APPL2: variants seen among roughly 807,000 people sequenced by gnomAD.
APPL2 encodes the protein DCC-interacting protein 13-beta.
Under a neutral mutation model 92.7 loss-of-function variants are expected in APPL2, and 84 were observed. That is an observed-to-expected ratio of 0.91 (90% CI 0.76 to 1.09). APPL2 has a LOEUF of 1.09. Among genes scored for constraint, APPL2 ranks in the 50% least tolerant of loss-of-function variants. APPL2 has a pLI of 0.00. For synonymous variants in APPL2, 291 were observed against 291.0 expected, an observed-to-expected ratio of 1.00 and a Z score of 0.00; for missense variants, 736 against 824.5, an observed-to-expected ratio of 0.89 and a Z score of 1.31.
chr12:105,233,890 A>G (rs1891082457), intron 1 of APPL2, among the ~76,000 whole-genome samples: 2 of 152,266 alleles, frequency 1.3e-5, no homozygotes, highest in Admixed American at 1.3e-4. Flanking sequence ...AAAATCCATG[A>G]AACAGGCATT....
rs1889188148 is a variant in APPL2, at chr12:105,211,236, G to C, written c.367C>G (p.Leu123Val). ...LPIIQFREKDLTEVSTLKDLF... is the reference protein window; with the variant it reads ...LPIIQFREKDVTEVSTLKDLF... ...TTGAACTCAGTTACTTTACCTGTGA[G>C]ATCCTTTTCTCGGAATTGTATGATA... Residue 123 changes from leucine to valine, a missense_variant, in exon 5 of 21, where the codon CTC (leucine) becomes GTC (valine). Physicochemically the swap from Leu to Val is conservative, Grantham distance 32. Transcript: ENST00000258530. The C allele has an allele frequency of 6.2e-7, 1 of 1,611,326 alleles. No homozygotes were observed. The highest frequency in any genetic ancestry group is 8.5e-7 in the Non-Finnish European group (1 of 1,177,580).
At chr12:105,180,766 G>GT (rs1886037425) in intron 17 of APPL2, among the ~76,000 whole-genome samples, 1 of 151,746 alleles carries the variant, frequency 6.6e-6, no homozygotes, top group Non-Finnish European at 1.5e-5. Context: ...GGCTGTTTGT[G>GT]TATTATTGGT....
At chr12:105,198,453 A>G (rs1261021461) in intron 10 of APPL2, among the ~76,000 whole-genome samples, 1 of 152,192 alleles carries the variant, frequency 6.6e-6, no homozygotes, top group Non-Finnish European at 1.5e-5. Flanking sequence ...CCTGGCAAAT[A>G]ACGACAGAAC....
At chr12:105,227,114 C>T (rs1483748558) in intron 2 of APPL2, among the ~76,000 whole-genome samples, 6 of 142,018 alleles carry the variant, frequency 4.2e-5, no homozygotes, top group East Asian at 2.1e-4. Context: ...GAGTAAGACC[C>T]TGTCTCTGAA....
chr12:105,230,339 T>C (rs1253821978), intron 1 of APPL2, among the ~76,000 whole-genome samples: 1 of 152,182 alleles, frequency 6.6e-6, no homozygotes, highest in African/African-American at 2.4e-5. Flanking sequence ...AATATTTACA[T>C]ACTGGATGGT....
chr12:105,182,308 C>T (rs987280407), intron 17 of APPL2, among the ~76,000 whole-genome samples: 5 of 152,220 alleles, frequency 3.3e-5, no homozygotes, highest in Admixed American at 2.0e-4. Flanking sequence ...GGATTACAGG[C>T]ATGAGCCATG....
At chr12:105,203,402 C>A in intron 9 of APPL2, 1 of 347,294 alleles carries the variant, frequency 2.9e-6, no homozygotes. Context: ...CTGCCACGTA[C>A]TCTCAAAGAA....
intron 17 of APPL2, among the ~76,000 whole-genome samples, chr12:105,184,805 CTT>C (rs761994970): frequency 2.0e-5 from 3 of 152,356 alleles, no homozygotes; most frequent in Non-Finnish European, 4.4e-5. Flanking sequence ...CTGCTGCTCT[CTT>C]GAGAGCTGGC....
At chr12:105,205,095 A>C (rs1447609956) in intron 8 of APPL2, among the ~76,000 whole-genome samples, 1 of 152,196 alleles carries the variant, frequency 6.6e-6, no homozygotes, top group Non-Finnish European at 1.5e-5. Flanking sequence ...AGGAAGTGCT[A>C]TGTTCATGGA....
chr12:105,196,563 G>A (rs1887671556), intron 11 of APPL2, among the ~76,000 whole-genome samples: 1 of 150,662 alleles, frequency 6.6e-6, no homozygotes, highest in Non-Finnish European at 1.5e-5. Context: ...AGCCTCCTGA[G>A]TAGCTGGGAT....
chr12:105,175,989 G>A (rs78535982), intron 20 of APPL2, 46 bp downstream of exon 20: 30,773 of 1,493,586 alleles, frequency 0.021, 409 homozygotes, highest in Non-Finnish European at 0.025. Flanking sequence ...TGTGTACACA[G>A]ATGTGTTTTG....
chr12:105,218,503 T>C (rs986686393), intron 2 of APPL2, among the ~76,000 whole-genome samples: 3 of 152,222 alleles, frequency 2.0e-5, no homozygotes, highest in African/African-American at 4.8e-5. Context: ...GGAACAGATG[T>C]TCTGAAGACA....
At position 105,208,653 on chromosome 12, in the gene APPL2, A is replaced by G. The variant is rs188970334; in HGVS notation, c.374-454T>C. Among the ~76,000 whole-genome samples, 273 of 152,300 alleles carry G rather than the reference A, an allele frequency of 1.8e-3. 2 individuals are homozygous for G. The highest frequency in any genetic ancestry group is 2.9e-3 in the Non-Finnish European group (199 of 68,024). On this transcript the variant is annotated intron_variant, in intron 5 of 20. Coordinates refer to ENST00000258530, the MANE Select transcript of APPL2 (RefSeq NM_018171.5). ...GACTTACTGGAGTCATCCCTGGACA[A>G]AGGAATACGCGGTGCTTGTACTAAT...
Position 105,174,117 on chromosome 12 carries a change from T to A in APPL2, c.*197A>T. 1 of 570,022 alleles carries A rather than the reference T, an allele frequency of 1.8e-6. No homozygotes were observed. The highest frequency in any genetic ancestry group is 3.0e-5 in the South Asian group (1 of 33,282). The allele number at this position is 570,022 out of a possible 1,614,324, so 35.3% of individuals were successfully genotyped here. ...TTACCACAAAGCACCTAAAATAACA[T>A]TGTAGATGGGTGGGAACGCTGTCAA... On this transcript the variant is annotated 3_prime_UTR_variant, in exon 21 of 21. Coordinates refer to ENST00000258530, the MANE Select transcript of APPL2 (RefSeq NM_018171.5).
intron 1 of APPL2, among the ~76,000 whole-genome samples, chr12:105,235,691 C>G (rs939045881): frequency 2.0e-5 from 3 of 151,614 alleles, no homozygotes; most frequent in African/African-American, 7.3e-5. Flanking sequence ...CTCGCAGACT[C>G]AGTTGCAGCT....
chr12:105,229,238 G>T lies in APPL2; in HGVS notation c.55-15C>A, dbSNP rs901017464. 1.2e-6 allele frequency: 2 copies of T among 1,605,028 alleles called. No individual in the cohort carries two copies. ...AAAGAGCGAGTCTGGAAGAAAAGAA[G>T]AAAAAAGGTCAATTTCATTTCTAAG... On this transcript the variant is annotated splice_polypyrimidine_tract_variant and intron_variant, in intron 1 of 20. Transcript: ENST00000258530.
At chr12:105,182,168 T>C (rs896107031) in intron 17 of APPL2, among the ~76,000 whole-genome samples, 1 of 152,108 alleles carries the variant, frequency 6.6e-6, no homozygotes, top group Non-Finnish European at 1.5e-5. Flanking sequence ...TGGGATTACA[T>C]AGGTGCCTGC....
intron 17 of APPL2, among the ~76,000 whole-genome samples, chr12:105,187,433 C>T (rs1224966620): frequency 6.6e-6 from 1 of 152,128 alleles, no homozygotes; most frequent in Non-Finnish European, 1.5e-5. Context: ...TTTCATTTTA[C>T]AGCTGAAAAA....
intron 11 of APPL2, among the ~76,000 whole-genome samples, chr12:105,195,907 T>C (rs567648827): frequency 1.8e-4 from 27 of 151,844 alleles, no homozygotes; most frequent in Non-Finnish European, 3.7e-4. Context: ...ATACAAAAAT[T>C]AGCTGGGCGT....
Sources: gnomAD v4.1 joint callset for allele counts (sites outside exome capture counted in the v4.1 genomes callset) on GRCh38, gnomAD v4.1.1 for gene constraint, MANE v1.5 for transcripts, NCBI Gene and HGNC (gene_info 2026-07-23, HGNC 2026-07-21) for gene names.